Variants in SEMA3D observed in about 807,000 individuals in gnomAD.
SEMA3D encodes semaphorin-3D.
Under a neutral mutation model 100.1 loss-of-function variants are expected in SEMA3D, and 84 were observed. The ratio of observed to expected loss-of-function variants is 0.84; its 90% CI spans 0.70 to 1.01. SEMA3D has a LOEUF of 1.01. SEMA3D is among the 50% of genes least tolerant of loss of function. The pLI is 0.00. For missense variants in SEMA3D, 875 were observed against 934.1 expected, an observed-to-expected ratio of 0.94 and a Z score of 0.82; for synonymous variants, 312 against 320.7, an observed-to-expected ratio of 0.97 and a Z score of 0.29.
rs1233579374 is a variant in SEMA3D, at chr7:85,028,093, A to G, written c.1192-5480T>C. On this transcript the variant is annotated intron_variant, in intron 12 of 18. Coordinates refer to ENST00000284136, the MANE Select transcript of SEMA3D (RefSeq NM_001384900.1). ...GCCATTGTCCAGTTTGATATGACAT[A>G]TTGGCCTTTCACGGTGGTAAATGAT... 2.4e-5 allele frequency: 15 copies of G among 624,996 alleles called. No individual in the cohort carries two copies. In the Admixed American group the frequency reaches 3.0e-4, roughly 12 times the overall value. The allele number at this position is 624,996 out of a possible 1,614,324, so 38.7% of individuals were successfully genotyped here.
At chr7:85,190,796 G>C (rs1791679635), upstream of SEMA3D, among the ~76,000 whole-genome samples, 1 of 151,926 alleles carries the variant, frequency 6.6e-6, no homozygotes, top group African/African-American at 2.4e-5. Context: ...TCCAAACTTT[G>C]CTTCATACTT....
Position 85,055,828 on chromosome 7 carries a change from T to A in SEMA3D, c.750A>T (p.Pro250=), listed in dbSNP as rs1329686143. 6 of 1,575,482 alleles carry A rather than the reference T, an allele frequency of 3.8e-6. No homozygotes were observed. Among genetic ancestry groups the A allele is most frequent in the Non-Finnish European group, 4.3e-6 (5 of 1,153,286 alleles). Residue 250 remains proline, a synonymous_variant, in exon 9 of 19, where the codon CCA becomes CCT. Coordinates refer to ENST00000284136, the MANE Select transcript of SEMA3D (RefSeq NM_001384900.1). The stretch of plus-strand genomic sequence containing the variant: ...TATCATCATCTGGATTGTAGGTGTC[T>A]GGTATGAAGAAAGTTCCAATAAATT... ...GAKFIGTFFI[P]DTYNPDDDKI...
the SEMA3D span, among the ~76,000 whole-genome samples, chr7:85,214,314 G>T: frequency 6.6e-6 from 1 of 151,974 alleles, no homozygotes; most frequent in Non-Finnish European, 1.5e-5. Context: ...TGCTTTAGTT[G>T]TACACATATT....
chr7:85,184,580 T>G (rs925677955), intron 1 of SEMA3D, among the ~76,000 whole-genome samples: 4 of 152,174 alleles, frequency 2.6e-5, no homozygotes, highest in African/African-American at 9.7e-5. Context: ...TGTGATAAAG[T>G]TCACAGCACC....
At chr7:85,005,650 T>G (rs1789775384) in intron 18 of SEMA3D, among the ~76,000 whole-genome samples, 1 of 152,036 alleles carries the variant, frequency 6.6e-6, no homozygotes, top group African/African-American at 2.4e-5. Context: ...TTTCTTAACC[T>G]CTCAGCAGCA....
At chr7:85,146,277 A>G (rs1290051567) in intron 2 of SEMA3D, among the ~76,000 whole-genome samples, 7 of 151,886 alleles carry the variant, frequency 4.6e-5, no homozygotes, top group African/African-American at 1.7e-4. Flanking sequence ...ATCCTTAGCC[A>G]GGAGTGGCGT....
At chr7:85,054,171 T>C (rs935258235) in intron 9 of SEMA3D, among the ~76,000 whole-genome samples, 2 of 152,072 alleles carry the variant, frequency 1.3e-5, no homozygotes, top group African/African-American at 4.8e-5. Flanking sequence ...ACAAATACAT[T>C]TCTATTAAAT....
the SEMA3D span, among the ~76,000 whole-genome samples, chr7:85,204,982 A>G: frequency 6.6e-6 from 1 of 152,148 alleles, no homozygotes; most frequent in Non-Finnish European, 1.5e-5. Flanking sequence ...AGTCATTCTA[A>G]TATACGTGAG....
At chr7:85,068,705 T>G (rs1395979512) in intron 6 of SEMA3D, among the ~76,000 whole-genome samples, 1 of 152,176 alleles carries the variant, frequency 6.6e-6, no homozygotes, top group Non-Finnish European at 1.5e-5. Flanking sequence ...GATTACAATT[T>G]ATATAACTAA....
chr7:85,060,000 A>G (rs1478057259), intron 8 of SEMA3D, among the ~76,000 whole-genome samples: 2 of 152,220 alleles, frequency 1.3e-5, no homozygotes, highest in Non-Finnish European at 2.9e-5. Context: ...TCAGTATGAC[A>G]TCAATGAGGT....
intron 4 of SEMA3D, among the ~76,000 whole-genome samples, chr7:85,091,550 A>G (rs1788394851): frequency 6.6e-6 from 1 of 151,878 alleles, no homozygotes; most frequent in African/African-American, 2.4e-5. Context: ...TTCAGCTTGT[A>G]TACATTATTC....
At chr7:85,011,368 A>G (rs984616076) in intron 17 of SEMA3D, among the ~76,000 whole-genome samples, 2 of 151,896 alleles carry the variant, frequency 1.3e-5, no homozygotes, top group Non-Finnish European at 2.9e-5. Context: ...GATGATTATT[A>G]GAAAAGACTG....
chr7:85,196,345 C>T, the SEMA3D span, among the ~76,000 whole-genome samples: 1 of 111,970 alleles, frequency 8.9e-6, no homozygotes, highest in African/African-American at 3.2e-5. Context: ...ATTTAGAAAA[C>T]AAACAAACAA....
the SEMA3D span, among the ~76,000 whole-genome samples, chr7:85,216,937 C>T: frequency 1.3e-5 from 2 of 151,468 alleles, no homozygotes. Context: ...CTTGAGTCTC[C>T]GTGGTCATTA....
intron 3 of SEMA3D, among the ~76,000 whole-genome samples, chr7:85,104,804 GA>G (rs947830084): frequency 2.0e-5 from 3 of 150,950 alleles, no homozygotes; most frequent in African/African-American, 4.9e-5. Context: ...GAAAAGAAAA[GA>G]AAAAAAATGC....
intron 1 of SEMA3D, among the ~76,000 whole-genome samples, chr7:85,178,836 G>C (rs534529837): frequency 6.6e-6 from 1 of 152,120 alleles, no homozygotes; most frequent in Non-Finnish European, 1.5e-5. Flanking sequence ...GAAGAAAAAC[G>C]TTTCATGGGC....
the SEMA3D span, among the ~76,000 whole-genome samples, chr7:85,210,185 C>A: frequency 2.0e-5 from 3 of 152,186 alleles, no homozygotes; most frequent in South Asian, 6.2e-4. Context: ...AAAACCATTG[C>A]AAATCTTCCT....
chr7:84,999,834 T>C lies in SEMA3D; in HGVS notation c.1940A>G (p.Glu647Gly). ...CAAACTTCGAATCAGTAGCCCATAT[T>C]CCGTTTTGATGATTCTTTCATCGGG... ...LKPDERIIKT[E>G]YGLLIRSLQK... Residue 647 changes from glutamate to glycine, a missense_variant, in exon 19 of 19, where the codon GAA becomes GGA. Physicochemically the swap from Glu to Gly is moderately conservative, Grantham distance 98. Transcript: ENST00000284136. 1 of 1,613,824 alleles carries C rather than the reference T, an allele frequency of 6.2e-7. No homozygotes were observed. The highest frequency in any genetic ancestry group is 8.5e-7 in the Non-Finnish European group (1 of 1,179,832).
the SEMA3D span, among the ~76,000 whole-genome samples, chr7:85,237,731 G>A: frequency 6.6e-5 from 10 of 152,140 alleles, no homozygotes; most frequent in Admixed American, 6.5e-5. Context: ...TGAGGATAAC[G>A]CTCCAATAAT....
Sources: allele counts gnomAD v4.1 joint callset (sites outside exome capture counted in the v4.1 genomes callset), GRCh38; gene constraint gnomAD v4.1.1; transcripts MANE v1.5; gene names NCBI Gene and HGNC (gene_info 2026-07-23, HGNC 2026-07-21).